Variants in TANC1 observed in about 807,000 individuals in gnomAD.
TANC1 encodes the protein tetratricopeptide repeat, ankyrin repeat and coiled-coil containing 1, also known as protein TANC1.
TANC1 carries 77 observed loss-of-function variants against 149.7 expected under a neutral mutation model. That is an observed-to-expected ratio of 0.51 (90% CI 0.43 to 0.62). TANC1 has a LOEUF of 0.62. TANC1 is among the 20% of genes least tolerant of loss of function. The pLI is 0.00. For synonymous variants in TANC1, 854 were observed against 925.0 expected, an observed-to-expected ratio of 0.92 and a Z score of 1.39; for missense variants, 1,985 against 2,321.8, an observed-to-expected ratio of 0.85 and a Z score of 2.98.
intron 3 of TANC1, among the ~76,000 whole-genome samples, chr2:159,072,245 G>T (rs1215023852): frequency 2.6e-5 from 4 of 152,200 alleles, no homozygotes; most frequent in Non-Finnish European, 5.9e-5. Flanking sequence ...GCCTCACAGA[G>T]TGCTGGGATT....
intron 4 of TANC1, among the ~76,000 whole-genome samples, chr2:159,105,922 T>C (rs1427309192): frequency 6.6e-6 from 1 of 152,164 alleles, no homozygotes; most frequent in Non-Finnish European, 1.5e-5. Flanking sequence ...GTGTTTCTTA[T>C]TGATTTAGCA....
At chr2:159,058,086 A>G (rs1248136946) in intron 2 of TANC1, among the ~76,000 whole-genome samples, 1 of 152,200 alleles carries the variant, frequency 6.6e-6, no homozygotes. Flanking sequence ...CTTGCACAGT[A>G]GCCATTGGCC....
At chr2:159,110,723 T>A (rs1312215040) in intron 4 of TANC1, among the ~76,000 whole-genome samples, 1 of 148,886 alleles carries the variant, frequency 6.7e-6, no homozygotes, top group African/African-American at 2.5e-5. Flanking sequence ...AATTTCCATG[T>A]CACCATCTTC....
chr2:159,159,348 A>G (rs1293599326), intron 7 of TANC1, among the ~76,000 whole-genome samples: 2 of 150,686 alleles, frequency 1.3e-5, no homozygotes, highest in Non-Finnish European at 3.0e-5. Context: ...CTGAGGTGGG[A>G]GGATCGCTTG....
chr2:159,045,615 T>C (rs1574314707), intron 2 of TANC1, among the ~76,000 whole-genome samples: 1 of 152,216 alleles, frequency 6.6e-6, no homozygotes, highest in East Asian at 1.9e-4. Flanking sequence ...TTTATATTAA[T>C]GACAATTCTA....
intron 19 of TANC1, among the ~76,000 whole-genome samples, chr2:159,209,972 T>C (rs1276755865): frequency 6.6e-6 from 1 of 152,170 alleles, no homozygotes; most frequent in African/African-American, 2.4e-5. Flanking sequence ...GCCAGGATAA[T>C]AGGAAGTAAA....
At chr2:159,203,327 C>G (rs2150775414) in intron 19 of TANC1, among the ~76,000 whole-genome samples, 1 of 152,064 alleles carries the variant, frequency 6.6e-6, no homozygotes, top group South Asian at 2.1e-4. Flanking sequence ...CTGCCTCAGC[C>G]TCCCGAGTAG....
At chr2:159,211,474 T>A (rs1352059843) in intron 19 of TANC1, among the ~76,000 whole-genome samples, 2 of 152,216 alleles carry the variant, frequency 1.3e-5, no homozygotes, top group East Asian at 3.8e-4. Flanking sequence ...TCCCCTGCCC[T>A]CTTTTCCTTC....
intron 3 of TANC1, among the ~76,000 whole-genome samples, chr2:159,085,031 G>A (rs2044693392): frequency 6.6e-6 from 1 of 152,176 alleles, no homozygotes. Flanking sequence ...TGAATAATTA[G>A]TGTATTCAAG....
rs369527846 is a variant in TANC1, at chr2:159,229,584, C to T, written c.4158C>T (p.Phe1386=). The part of the protein sequence containing the change: ...RARAKRNSRQ[F]VAALADLQEA... ...CTTACATTTTCCTACAAAGGCAATT[C>T]GTGGCAGCTCTGGCTGACCTGCAAG... Residue 1386 remains phenylalanine (F), a synonymous_variant, in exon 27 of 27, where the codon TTC becomes TTT. Transcript: ENST00000263635. 2.7e-5 allele frequency: 43 copies of T among 1,610,842 alleles called. No individual in the cohort carries two copies. The African/African-American group carries it at 2.7e-4, about 10-fold the overall frequency.
intron 6 of TANC1, 148 bp downstream of exon 6, chr2:159,149,420 TG>T: frequency 8.1e-7 from 1 of 1,233,890 alleles, no homozygotes; most frequent in Non-Finnish European, 1.2e-6. Flanking sequence ...TTCAACAGTT[TG>T]GTTCTGGGTT....
intron 19 of TANC1, among the ~76,000 whole-genome samples, chr2:159,202,315 T>C (rs1205644803): frequency 6.6e-6 from 1 of 152,046 alleles, no homozygotes; most frequent in Non-Finnish European, 1.5e-5. Context: ...GACAAGAAAA[T>C]GTACAATAGA....
intron 19 of TANC1, among the ~76,000 whole-genome samples, chr2:159,205,887 A>G (rs1161740840): frequency 6.6e-6 from 1 of 152,226 alleles, no homozygotes; most frequent in Non-Finnish European, 1.5e-5. Context: ...GTTACATGGA[A>G]CGCACATGGA....
At chr2:159,021,819 G>A (rs530549559) in intron 2 of TANC1, among the ~76,000 whole-genome samples, 133 of 152,274 alleles carry the variant, frequency 8.7e-4, no homozygotes, top group Non-Finnish European at 1.7e-3. Flanking sequence ...ACATGCAAGA[G>A]AAGTATAAAT....
chr2:159,094,317 G>A (rs77442550), intron 3 of TANC1, among the ~76,000 whole-genome samples: 654 of 152,276 alleles, frequency 4.3e-3, no homozygotes, highest in Non-Finnish European at 6.4e-3. Flanking sequence ...CACGTCTTTT[G>A]TATGTAATGT....
chr2:159,197,194 G>A (rs1049653879), intron 18 of TANC1, among the ~76,000 whole-genome samples: 32 of 152,126 alleles, frequency 2.1e-4, no homozygotes, highest in African/African-American at 6.3e-4. Flanking sequence ...AGTATTTGAA[G>A]GATTTTTAAA....
chr2:159,131,114 A>G (rs1300841803), intron 4 of TANC1, among the ~76,000 whole-genome samples: 1 of 152,018 alleles, frequency 6.6e-6, no homozygotes, highest in East Asian at 1.9e-4. Context: ...GCCGTGGCCT[A>G]TAAGCTTGGC....
intron 4 of TANC1, 42 bp downstream of exon 4, chr2:159,097,876 T>A (rs781185494): frequency 6.4e-7 from 1 of 1,556,510 alleles, no homozygotes; most frequent in Non-Finnish European, 8.8e-7. Flanking sequence ...ATATATGTAG[T>A]ACCTGCATTG....
chr2:159,183,314 C>T (rs1227616974), intron 14 of TANC1, among the ~76,000 whole-genome samples: 2 of 152,210 alleles, frequency 1.3e-5, no homozygotes, highest in Non-Finnish European at 2.9e-5. Flanking sequence ...GCAAGATAGC[C>T]GTCTGTCCCA....
Sources: allele counts gnomAD v4.1 joint callset (sites outside exome capture counted in the v4.1 genomes callset), GRCh38; gene constraint gnomAD v4.1.1; transcripts MANE v1.5; gene names NCBI Gene and HGNC (gene_info 2026-07-23, HGNC 2026-07-21).